The following UST variants were observed in gnomAD, a reference collection of about 807,000 sequenced individuals.
The protein encoded by UST is uronyl 2-sulfotransferase, also known as chondroitin sulfate 2-O-sulfotransferase.
In UST, 21 loss-of-function variants were observed where a neutral mutation model predicts 45.6. The observed-to-expected ratio is 0.46, with a 90% CI of 0.33 to 0.66. UST has a LOEUF of 0.66. UST is among the 30% of genes least tolerant of loss of function. The pLI is 0.02. For synonymous variants in UST, 215 were observed against 200.6 expected, an observed-to-expected ratio of 1.07 and a Z score of -0.61; for missense variants, 463 against 512.4, an observed-to-expected ratio of 0.90 and a Z score of 0.93.
intron 3 of UST, among the ~76,000 whole-genome samples, chr6:148,953,477 T>A (rs564663020): frequency 6.6e-6 from 1 of 152,154 alleles, no homozygotes; most frequent in South Asian, 2.1e-4. Context: ...TGGGAATAAG[T>A]GGGAATAAAA....
chr6:149,033,718 A>C (rs2115027224), intron 7 of UST, among the ~76,000 whole-genome samples: 1 of 152,300 alleles, frequency 6.6e-6, no homozygotes, highest in East Asian at 1.9e-4. Context: ...ATACGCTTCT[A>C]GATGCTTCTG....
rs1326386433 is a variant in UST, at chr6:149,013,331, C to G, written c.682-5808C>G. On this transcript the variant is annotated intron_variant, in intron 5 of 7. Transcript: ENST00000367463. ...TTGGGAGGTCAAGGAAGGTGGATCA[C>G]CTGAGGTCAGGAGTTCGAGTTTGCC... 3.9e-5 allele frequency among the ~76,000 whole-genome samples: 6 copies of G among 152,086 alleles called. No homozygotes were observed. In the East Asian group the frequency reaches 1.2e-3, roughly 29 times the overall value.
intron 1 of UST, among the ~76,000 whole-genome samples, chr6:148,776,254 G>A (rs920711800): frequency 6.6e-6 from 1 of 152,196 alleles, no homozygotes; most frequent in Non-Finnish European, 1.5e-5. Flanking sequence ...CAGAAGAGGA[G>A]CACTTTCTGG....
chr6:148,764,813 C>T (rs563974999), intron 1 of UST, among the ~76,000 whole-genome samples: 3 of 152,272 alleles, frequency 2.0e-5, no homozygotes, highest in African/African-American at 7.2e-5. Context: ...CTTCCATGTC[C>T]TGCTGTGCAC....
chr6:148,944,588 GAAGGGATTATTAAA>G (rs1046861796), intron 3 of UST, among the ~76,000 whole-genome samples: 21 of 151,522 alleles, frequency 1.4e-4, no homozygotes, highest in African/African-American at 5.1e-4. Context: ...ACAAGACACT[GAAGGGATTATTAAA>G]AAGGAAAGGG....
chr6:148,773,009 G>A (rs1361107137), intron 1 of UST, among the ~76,000 whole-genome samples: 8 of 151,820 alleles, frequency 5.3e-5, no homozygotes, highest in Non-Finnish European at 2.9e-5. Flanking sequence ...CTTATTCTAG[G>A]CATTGGTGGG....
chr6:148,878,144 C>T (rs946854844), intron 1 of UST, among the ~76,000 whole-genome samples: 2 of 22,794 alleles, frequency 8.8e-5, no homozygotes. Flanking sequence ...TGTAAGAGTG[C>T]GGGGGTCGTG....
At position 148,937,640 on chromosome 6, in the gene UST, A is replaced by G. The variant is rs1447197125; in HGVS notation, c.292-3639A>G. On this transcript the variant is annotated intron_variant, in intron 2 of 7. Coordinates refer to ENST00000367463, the MANE Select transcript of UST (RefSeq NM_005715.3). ...AGTTTTCTAGGTAAGTGCCTCAGTT[A>G]TTCACTTAAACTGTCCAAGAGGCAC... Among the ~76,000 whole-genome samples, 6 of 152,240 alleles carry G rather than the reference A, an allele frequency of 3.9e-5. No individual in the cohort carries two copies. The East Asian group carries it at 1.2e-3, about 29-fold the overall frequency.
rs112509162 is a variant in UST at position 148,867,727 on chromosome 6, G to A, written c.248-19259G>A. ...CTGATTGTGAGGCCTCCCCAGCCACGTGGAACTGTGAGTCTATTAAACCTC... is the reference window on the plus strand; with the variant it reads ...CTGATTGTGAGGCCTCCCCAGCCACATGGAACTGTGAGTCTATTAAACCTC... On this transcript the variant is annotated intron_variant, in intron 1 of 7. Coordinates refer to ENST00000367463, the MANE Select transcript of UST (RefSeq NM_005715.3). Among the ~76,000 whole-genome samples the A allele has an allele frequency of 6.4e-4, 97 of 152,274 alleles. 2 individuals carry two copies. Among genetic ancestry groups the A allele is most frequent in the Middle Eastern group, 3.4e-3 (1 of 294 alleles).
intron 2 of UST, among the ~76,000 whole-genome samples, chr6:148,929,412 T>C (rs986843478): frequency 6.6e-6 from 1 of 152,174 alleles, no homozygotes; most frequent in Non-Finnish European, 1.5e-5. Context: ...GATTTTCAGA[T>C]CTTAAAGGAA....
chr6:149,033,754 G>C (rs560711128), intron 7 of UST, among the ~76,000 whole-genome samples: 13 of 152,216 alleles, frequency 8.5e-5, no homozygotes, highest in African/African-American at 2.9e-4. Context: ...GACTCTACCA[G>C]AACTGTTTTT....
chr6:148,947,922 G>GAA (rs11341439), intron 3 of UST, among the ~76,000 whole-genome samples: 19,300 of 146,368 alleles, frequency 0.13, 1,422 homozygotes, highest in Admixed American at 0.18. Flanking sequence ...AAACTTGGTG[G>GAA]AAAAAAAAAA....
At chr6:148,949,413 TA>T (rs1269325864) in intron 3 of UST, among the ~76,000 whole-genome samples, 1 of 113,288 alleles carries the variant, frequency 8.8e-6, no homozygotes, top group Non-Finnish European at 1.9e-5. Flanking sequence ...ATAATAATAA[TA>T]ATAATAATAA....
Position 149,069,518 on chromosome 6 carries a change from T to C in UST, c.938-4315T>C, listed in dbSNP as rs185257579. ...CATGTTGAGTTTTTTCATATACCTC[T>C]TGGCCATTTGTATGTCTTATTTTGA... is the stretch of plus-strand genomic sequence containing the variant. On this transcript the variant is annotated intron_variant, in intron 7 of 7. Transcript: ENST00000367463. 5.7e-3 allele frequency among the ~76,000 whole-genome samples: 866 copies of C among 152,348 alleles called. 7 individuals carry two copies. Among genetic ancestry groups the C allele is most frequent in the African/African-American group, 0.02 (839 of 41,574 alleles).
chr6:148,826,443 T>TA (rs1395027994), intron 1 of UST, among the ~76,000 whole-genome samples: 3 of 151,992 alleles, frequency 2.0e-5, no homozygotes, highest in South Asian at 2.1e-4. Flanking sequence ...TTTTTTTTTT[T>TA]AAATGAATTA....
chr6:148,964,268 T>G (rs112554249), intron 4 of UST, 142 bp from the exon 5 acceptor site: 100 of 946,940 alleles, frequency 1.1e-4, no homozygotes, highest in Admixed American at 5.2e-5. Flanking sequence ...AAACACCGTT[T>G]GCTTATTACG....
chr6:148,833,370 C>T (rs1777726410), intron 1 of UST, among the ~76,000 whole-genome samples: 1 of 152,092 alleles, frequency 6.6e-6, no homozygotes, highest in African/African-American at 2.4e-5. Context: ...ACCTGTGATC[C>T]CAGCTACTTG....
At position 149,075,839 on chromosome 6, in the gene UST, CT is replaced by C. The variant is rs1776882177; in HGVS notation, c.*1726del. On this transcript the variant is annotated 3_prime_UTR_variant, in exon 8 of 8. Transcript: ENST00000367463. ...TAGTTAATAGTAAATAAGACTCTGA[CT>C]TTACACAAGCTACACATTTTATACT... is the stretch of plus-strand genomic sequence containing the variant. The C allele has an allele frequency of 6.6e-6, 1 of 152,494 alleles. No homozygotes were observed. The highest frequency in any genetic ancestry group is 2.4e-5 in the African/African-American group (1 of 41,450). The allele number at this position is 152,494 out of a possible 1,614,324, so 9.4% of individuals were successfully genotyped here. A position where few individuals can be genotyped will look rare whatever the true frequency, so the allele number is the denominator to read the frequency against.
intron 1 of UST, among the ~76,000 whole-genome samples, chr6:148,829,286 G>C (rs1483411209): frequency 6.6e-6 from 1 of 152,156 alleles, no homozygotes; most frequent in Non-Finnish European, 1.5e-5. Flanking sequence ...CTGCACCTGG[G>C]TCCGCTGTAA....
Sources: allele counts gnomAD v4.1 joint callset (sites outside exome capture counted in the v4.1 genomes callset), GRCh38; gene constraint gnomAD v4.1.1; transcripts MANE v1.5; gene names NCBI Gene and HGNC (gene_info 2026-07-23, HGNC 2026-07-21).